The following LIPM variants were observed in gnomAD, a reference collection of about 807,000 sequenced individuals.
The protein encoded by LIPM is lipase family member M.
In LIPM, 42 loss-of-function variants were observed where a neutral mutation model predicts 42.4. That is an observed-to-expected ratio of 0.99 (90% CI 0.77 to 1.28). LIPM has a LOEUF of 1.28. LIPM is among the 50% of genes most tolerant of loss of function. The pLI, the probability that LIPM is intolerant of heterozygous loss-of-function variation, is 0.00. For missense variants in LIPM, 524 were observed against 520.1 expected (o/e 1.01, Z -0.07); for synonymous variants, 177 against 173.3 (o/e 1.02, Z -0.17).
chr10:88,813,363 G>T (rs755791957), intron 3 of LIPM, 68 bp downstream of exon 3: 20 of 1,276,882 alleles, frequency 1.6e-5, no homozygotes, highest in Non-Finnish European at 2.1e-5. Flanking sequence ...AAAAAATTAC[G>T]GCTTCTAGTA....
intron 1 of LIPM, chr10:88,805,822 G>A (rs1271205205): frequency 2.8e-6 from 1 of 356,816 alleles, no homozygotes; most frequent in African/African-American, 2.2e-5. Flanking sequence ...TTATTAAGGA[G>A]AATCATCATC....
intron 4 of LIPM, 151 bp from the exon 5 acceptor site, chr10:88,814,937 T>C (rs1237621540): frequency 7.1e-6 from 5 of 702,990 alleles, no homozygotes; most frequent in Non-Finnish European, 1.1e-5. Flanking sequence ...AAAGCAAATA[T>C]GCTGGTGTCA....
Position 88,816,996 on chromosome 10 carries a change from A to G in LIPM, c.930+109A>G, listed in dbSNP as rs1228911935. ...CAGGGATTATTTCACACTTATTCTA[A>G]GATGAAATGCAGTATCGTCGATGCT... On this transcript the variant is annotated intron_variant, in intron 7 of 8. Transcript: ENST00000404743. 3.6e-6 allele frequency: 3 copies of G among 825,798 alleles called. No individual in the cohort carries two copies. The East Asian group carries it at 8.1e-5, about 22-fold the overall frequency. The allele number at this position is 825,798 out of a possible 1,614,324, so 51.2% of individuals were successfully genotyped here. A position where few individuals can be genotyped will look rare whatever the true frequency, so the allele number is the denominator to read the frequency against.
chr10:88,820,108 G>A (rs1843768794), intron 8 of LIPM, 124 bp from the exon 9 acceptor site: 2 of 720,804 alleles, frequency 2.8e-6, no homozygotes, highest in Non-Finnish European at 4.5e-6. Flanking sequence ...GAGTTGTGTG[G>A]CTCTAACACC....
intron 2 of LIPM, among the ~76,000 whole-genome samples, chr10:88,811,979 A>G (rs1267107086): frequency 6.6e-6 from 1 of 152,226 alleles, no homozygotes; most frequent in Admixed American, 6.5e-5. Context: ...AGTCCTTTAC[A>G]GCTGTTTTCC....
chr10:88,815,604 A>T, intron 6 of LIPM, 101 bp downstream of exon 6: 2 of 1,031,708 alleles, frequency 1.9e-6, no homozygotes, highest in Non-Finnish European at 2.8e-6. Context: ...GACTCAGAGT[A>T]ATGATATATT....
chr10:88,806,418 C>A (rs1843587562), intron 1 of LIPM, among the ~76,000 whole-genome samples: 1 of 152,186 alleles, frequency 6.6e-6, no homozygotes, highest in African/African-American at 2.4e-5. Flanking sequence ...TCATCTGACA[C>A]ATTACACATA....
At chr10:88,812,265 A>C in intron 2 of LIPM, among the ~76,000 whole-genome samples, 1 of 152,204 alleles carries the variant, frequency 6.6e-6, no homozygotes, top group Middle Eastern at 3.2e-3. Flanking sequence ...CAATACTGAT[A>C]ATAACTTTAA....
At chr10:88,803,138 G>A (rs1421331023) in intron 1 of LIPM, 95 bp downstream of exon 1, 6 of 1,314,958 alleles carry the variant, frequency 4.6e-6, no homozygotes, top group East Asian at 2.6e-5. Context: ...ACATGGTGGT[G>A]ATTCATACTA....
At chr10:88,806,830 A>T (rs1454497775) in intron 1 of LIPM, among the ~76,000 whole-genome samples, 2 of 152,100 alleles carry the variant, frequency 1.3e-5, no homozygotes, top group Non-Finnish European at 2.9e-5. Flanking sequence ...GACTATAGGC[A>T]TGCACCACCA....
intron 2 of LIPM, among the ~76,000 whole-genome samples, chr10:88,809,155 A>G (rs564613953): frequency 7.2e-5 from 11 of 152,052 alleles, no homozygotes; most frequent in African/African-American, 2.7e-4. Flanking sequence ...GAGTTTCTCC[A>G]TGTTGGTCAG....
At chr10:88,806,486 A>T (rs303532) in intron 1 of LIPM, among the ~76,000 whole-genome samples, 120,969 of 151,996 alleles carry the variant, frequency 0.8, 49,150 homozygotes, top group East Asian at 1. Context: ...TATATATTTA[A>T]CTCCCCAAAT....
At chr10:88,817,453 T>C (rs1447911278) in intron 7 of LIPM, among the ~76,000 whole-genome samples, 1 of 151,956 alleles carries the variant, frequency 6.6e-6, no homozygotes, top group Non-Finnish European at 1.5e-5. Flanking sequence ...CAGAGAAGAA[T>C]TATAAGTTCA....
rs1215528057 is a variant in LIPM, at chr10:88,815,209, A to G, written c.696A>G (p.Pro232=). 2 of 1,551,912 alleles carry G rather than the reference A, an allele frequency of 1.3e-6. No homozygotes were observed. Among genetic ancestry groups the G allele is most frequent in the Non-Finnish European group, 1.7e-6 (2 of 1,147,012 alleles). ...CCGGGACCAAATTTTTGTTGCTGCC[A>G]GATATGATGATCAAGGTATGAGACT... ...KSPGTKFLLL[P]DMMIKGLFGK... Residue 232 remains proline (P), a synonymous_variant, in exon 5 of 9, where the codon CCA becomes CCG. Coordinates refer to ENST00000404743, the MANE Select transcript of LIPM (RefSeq NM_001128215.1).
At chr10:88,815,537 A>G (rs898598292) in intron 6 of LIPM, 34 bp downstream of exon 6, 2 of 1,545,860 alleles carry the variant, frequency 1.3e-6, no homozygotes, top group Non-Finnish European at 1.7e-6. Flanking sequence ...CCAGCATCCC[A>G]GCATAAAGCT....
Position 88,820,360 on chromosome 10 carries a change from C to T in LIPM, c.1131C>T (p.Tyr377=), listed in dbSNP as rs1843773527. 1 of 1,552,336 alleles carries T rather than the reference C, an allele frequency of 6.4e-7. No individual in the cohort carries two copies. ...TCTCTGAGGTGACCAACCTCATCTA[C>T]CATAAGAATATTCCTGAATGGGCTC... ...MLLSEVTNLI[Y]HKNIPEWAHV... The change falls in exon 9 of 9, where the codon TAC becomes TAT. Residue 377 remains tyrosine, a synonymous_variant. Transcript: ENST00000404743.
Position 88,814,547 on chromosome 10 carries a change from G to T in LIPM, c.482G>T (p.Arg161Met), listed in dbSNP as rs1310000016. 6.4e-7 allele frequency: 1 copy of T among 1,551,080 alleles called. No homozygotes were observed. Among genetic ancestry groups the T allele is most frequent in the Non-Finnish European group, 8.7e-7 (1 of 1,146,546 alleles). ...FWAFSYDEMARFDLPAVINFI... is the reference protein window; with the variant it reads ...FWAFSYDEMAMFDLPAVINFI... ...CCTTGTAGTTATGATGAGATGGCTA[G>T]GTTTGACCTTCCTGCAGTGATAAAC... The change falls in exon 4 of 9, where the codon AGG becomes ATG. Residue 161 changes from arginine (R) to methionine (M), a missense_variant. Coordinates refer to ENST00000404743, the MANE Select transcript of LIPM (RefSeq NM_001128215.1).
At position 88,814,643 on chromosome 10, in the gene LIPM, G is replaced by T. The variant is rs558938025; in HGVS notation, c.574+4G>T. ...TATTCACAGGGCACCACCATGGGTAGGTTCAAAGAAAAGCAGGTTTGTATA... is the reference window on the plus strand; with the variant it reads ...TATTCACAGGGCACCACCATGGGTATGTTCAAAGAAAAGCAGGTTTGTATA... On this transcript the variant is annotated splice_donor_region_variant and intron_variant, in intron 4 of 8. Coordinates refer to ENST00000404743, the MANE Select transcript of LIPM (RefSeq NM_001128215.1). 1 of 1,548,876 alleles carries T rather than the reference G, an allele frequency of 6.5e-7. No homozygotes were observed. Among genetic ancestry groups the T allele is most frequent in the African/African-American group, 1.4e-5 (1 of 72,938 alleles).
chr10:88,815,379 T>C lies in LIPM; in HGVS notation c.734T>C (p.Phe245Ser). 1 of 1,551,660 alleles carries C rather than the reference T, an allele frequency of 6.4e-7. No individual in the cohort carries two copies. ...MIKGLFGKKE[F>S]LYQTRFLRQL... is the part of the protein sequence containing the mutation. ...CAGGGATTGTTTGGCAAAAAAGAAT[T>C]TCTGTATCAGACCAGATTTCTCAGA... The change falls in exon 6 of 9, where the codon TTT becomes TCT. Residue 245 changes from phenylalanine (F) to serine (S), a missense_variant. Coordinates refer to ENST00000404743, the MANE Select transcript of LIPM (RefSeq NM_001128215.1).
Sources: allele counts gnomAD v4.1 joint callset (sites outside exome capture counted in the v4.1 genomes callset), GRCh38; gene constraint gnomAD v4.1.1; transcripts MANE v1.5; gene names NCBI Gene and HGNC (gene_info 2026-07-23, HGNC 2026-07-21).